Variants in PDE1C observed in about 807,000 individuals in gnomAD.
PDE1C encodes phosphodiesterase 1C, also known as dual specificity calcium/calmodulin-dependent 3',5'-cyclic nucleotide phosphodiesterase 1C.
In PDE1C, 62 loss-of-function variants were observed where a neutral mutation model predicts 93.1. The ratio of observed to expected loss-of-function variants is 0.67; its 90% CI spans 0.54 to 0.82. PDE1C has a LOEUF of 0.82. Ranked by LOEUF, PDE1C falls within the 40% of genes least tolerant of loss-of-function variation. The pLI, the probability that PDE1C is intolerant of heterozygous loss-of-function variation, is 0.00. For missense variants in PDE1C, 742 were observed against 884.6 expected (o/e 0.84, Z 2.04); for synonymous variants, 325 against 310.1 (o/e 1.05, Z -0.50).
intron 3 of PDE1C, among the ~76,000 whole-genome samples, chr7:32,125,013 A>G (rs1044707398): frequency 2.0e-5 from 3 of 152,202 alleles, no homozygotes; most frequent in Non-Finnish European, 4.4e-5. Flanking sequence ...AGGAACTTAA[A>G]CAAATTTACA....
chr7:32,171,976 A>T (rs1802684305), intron 2 of PDE1C, among the ~76,000 whole-genome samples: 1 of 150,654 alleles, frequency 6.6e-6, no homozygotes, highest in Non-Finnish European at 1.5e-5. Flanking sequence ...GCCGTATGAG[A>T]TCTCTATATT....
chr7:32,001,398 G>C (rs1785434206), intron 2 of PDE1C, among the ~76,000 whole-genome samples: 1 of 152,218 alleles, frequency 6.6e-6, no homozygotes, highest in Admixed American at 6.5e-5. Context: ...CTACTGATAA[G>C]TGGCAGCTGC....
At chr7:31,893,979 T>C (rs1265902307) in intron 2 of PDE1C, among the ~76,000 whole-genome samples, 2 of 152,238 alleles carry the variant, frequency 1.3e-5, no homozygotes, top group African/African-American at 2.4e-5. Context: ...TATTTGAACC[T>C]ACATGGTGTC....
chr7:32,196,703 C>A (rs1804646585), intron 2 of PDE1C, among the ~76,000 whole-genome samples: 1 of 152,070 alleles, frequency 6.6e-6, no homozygotes, highest in Non-Finnish European at 1.5e-5. Flanking sequence ...ATTGCTCTGG[C>A]AGGGAGGAGA....
At chr7:32,184,105 C>G (rs1159047797) in intron 2 of PDE1C, among the ~76,000 whole-genome samples, 1 of 152,208 alleles carries the variant, frequency 6.6e-6, no homozygotes, top group African/African-American at 2.4e-5. Flanking sequence ...GAGATACCAT[C>G]TCACACCAGT....
chr7:32,042,879 C>T (rs777775209), intron 2 of PDE1C, among the ~76,000 whole-genome samples: 2 of 152,192 alleles, frequency 1.3e-5, no homozygotes, highest in Non-Finnish European at 1.5e-5. Flanking sequence ...CCAGAGAATA[C>T]TGTTTTTGAG....
intron 1 of PDE1C, among the ~76,000 whole-genome samples, chr7:32,056,858 T>C (rs1369671184): frequency 6.6e-6 from 1 of 152,172 alleles, no homozygotes; most frequent in Non-Finnish European, 1.5e-5. Flanking sequence ...TTCCTTATCT[T>C]GGAACACTTG....
intron 16 of PDE1C, chr7:31,785,343 A>G (rs981174269): frequency 1.3e-5 from 2 of 152,208 alleles, no homozygotes; most frequent in African/African-American, 2.4e-5. Context: ...GGCTGAGCAG[A>G]TGGCAGCCCA....
chr7:31,669,661 A>G, the PDE1C span, among the ~76,000 whole-genome samples: 1 of 152,034 alleles, frequency 6.6e-6, no homozygotes, highest in Non-Finnish European at 1.5e-5. Context: ...TTTACATCAG[A>G]CTCTTCTTCT....
intron 1 of PDE1C, among the ~76,000 whole-genome samples, chr7:32,065,553 T>C (rs892177381): frequency 6.6e-6 from 1 of 152,066 alleles, no homozygotes; most frequent in Non-Finnish European, 1.5e-5. Flanking sequence ...AGCCTTCAAA[T>C]TGCTGAAAGT....
the PDE1C span, among the ~76,000 whole-genome samples, chr7:31,635,271 A>G: frequency 6.6e-6 from 1 of 152,200 alleles, no homozygotes; most frequent in Non-Finnish European, 1.5e-5. Context: ...GTTGTTGAGA[A>G]GGTACTCTAT....
rs144642017 is a variant in PDE1C at position 32,285,270 on chromosome 7, C to T, written c.85+13381G>A. ...CATCACTGGTGGAATCATAAAATGG[C>T]GCAGACACTTTGGAAAAGTTTGGCA... On this transcript the variant is annotated intron_variant, in intron 1 of 18. Coordinates refer to the PDE1C transcript ENST00000396193. Among the ~76,000 whole-genome samples, 536 of 152,134 alleles carry T rather than the reference C, an allele frequency of 3.5e-3. 4 individuals are homozygous for T. Among genetic ancestry groups the T allele is most frequent in the African/African-American group, 0.012 (494 of 41,534 alleles).
At chr7:32,398,590 T>C (rs1463031183) in intron 1 of PDE1C, among the ~76,000 whole-genome samples, 1 of 151,870 alleles carries the variant, frequency 6.6e-6, no homozygotes, top group Non-Finnish European at 1.5e-5. Flanking sequence ...GGTTTCACCA[T>C]ATTGGCCAGG....
intron 3 of PDE1C, among the ~76,000 whole-genome samples, chr7:32,136,303 T>C (rs1052760641): frequency 1.3e-5 from 2 of 152,160 alleles, no homozygotes; most frequent in African/African-American, 2.4e-5. Context: ...AAAATCTCTA[T>C]CTGACAGATA....
chr7:31,968,883 G>C (rs1234598801), intron 2 of PDE1C, among the ~76,000 whole-genome samples: 1 of 152,136 alleles, frequency 6.6e-6, no homozygotes, highest in African/African-American at 2.4e-5. Context: ...AATGGGGAAA[G>C]GATTCCCTAT....
At chr7:32,221,925 C>T (rs1806898636) in intron 1 of PDE1C, among the ~76,000 whole-genome samples, 1 of 152,112 alleles carries the variant, frequency 6.6e-6, no homozygotes, top group Admixed American at 6.5e-5. Context: ...GGCAAGCTGC[C>T]AGCAAAGCAC....
At chr7:31,681,017 A>G in the PDE1C span, among the ~76,000 whole-genome samples, 1 of 152,212 alleles carries the variant, frequency 6.6e-6, no homozygotes, top group Admixed American at 6.5e-5. Flanking sequence ...CAGCCTAGCC[A>G]CTTAACGTGA....
intron 1 of PDE1C, among the ~76,000 whole-genome samples, chr7:32,341,467 G>C (rs1323863503): frequency 6.6e-6 from 1 of 151,936 alleles, no homozygotes; most frequent in Non-Finnish European, 1.5e-5. Context: ...GAGCCACCGC[G>C]CCCGGCCTAT....
the PDE1C span, chr7:31,655,993 C>T: frequency 2.0e-5 from 20 of 985,254 alleles, no homozygotes; most frequent in Non-Finnish European, 2.4e-5. Context: ...CTCCTGTGTT[C>T]CTGCTTCCTC....
Sources: allele counts gnomAD v4.1 joint callset (sites outside exome capture counted in the v4.1 genomes callset), GRCh38; gene constraint gnomAD v4.1.1; transcripts MANE v1.5; gene names NCBI Gene and HGNC (gene_info 2026-07-23, HGNC 2026-07-21).